Variants in STARD9 observed in about 807,000 individuals in gnomAD.
STARD9 encodes StAR related lipid transfer domain containing 9.
Under a neutral mutation model 399.8 loss-of-function variants are expected in STARD9, and 346 were observed. The ratio of observed to expected loss-of-function variants is 0.87; its 90% CI spans 0.79 to 0.95. The LOEUF (loss-of-function observed/expected upper bound fraction) is 0.95, where lower values mean the gene tolerates loss of function less well. Among genes scored for constraint, STARD9 ranks in the 40% least tolerant of loss-of-function variants. The probability of loss-of-function intolerance (pLI) is 0.00; values close to 1 mark genes in which losing one functional copy is unlikely to be tolerated. For synonymous variants in STARD9, 2,203 were observed against 2,143.5 expected (o/e 1.03, Z -0.77); for missense variants, 5,832 against 5,667.5 (o/e 1.03, Z -0.93).
chr15:42,669,475 C>T, intron 16 of STARD9, 138 bp downstream of exon 16: 1 of 689,168 alleles, frequency 1.5e-6, no homozygotes, highest in Non-Finnish European at 2.3e-6. Context: ...GGTTTGCTCT[C>T]AGGAAACGTC....
chr15:42,710,819 AC>A (rs1427133124), intron 26 of STARD9, among the ~76,000 whole-genome samples: 4 of 152,128 alleles, frequency 2.6e-5, no homozygotes, highest in Admixed American at 2.6e-4. Context: ...CTGATGGGTT[AC>A]CAGCAATCCT....
At chr15:42,646,662 A>G (rs367627988) in intron 7 of STARD9, among the ~76,000 whole-genome samples, 8 of 152,350 alleles carry the variant, frequency 5.3e-5, no homozygotes, top group African/African-American at 1.9e-4. Flanking sequence ...TCTTCATATC[A>G]GCAAGAAGGC....
chr15:42,665,261 C>G lies in STARD9; in HGVS notation c.1185C>G (p.Asn395Lys). ...AGTTCTCTGTGTTTCAGGATGCAAA[C>G]TTAAAACTGATTAGAGAACTCAGAG... ...INKPRVNEDA[N>K]LKLIRELREE... The change falls in exon 14 of 33, where the codon AAC (asparagine) becomes AAG (lysine). Residue 395 changes from asparagine (N) to lysine (K), a missense_variant. Physicochemically the swap from Asn to Lys is moderately conservative, Grantham distance 94 (BLOSUM62 0). Around this residue, in one of 2 missense-constraint regions of STARD9, gnomAD observed 5,828 missense variants for 5,651.1 expected, o/e 1.03. Coordinates refer to ENST00000290607, the MANE Select transcript of STARD9 (RefSeq NM_020759.3). 6.5e-7 allele frequency: 1 copy of G among 1,536,914 alleles called. No homozygotes were observed. Among genetic ancestry groups the G allele is most frequent in the East Asian group, 2.4e-5 (1 of 40,904 alleles).
rs1405688896 is a variant in STARD9, at chr15:42,638,859, G to A, written c.559+47G>A. 1.1e-5 allele frequency: 13 copies of A among 1,160,542 alleles called. No individual in the cohort carries two copies. In the South Asian group the frequency reaches 1.8e-4, roughly 16 times the overall value. The allele number at this position is 1,160,542 out of a possible 1,614,324, so 71.9% of individuals were successfully genotyped here. On this transcript the variant is annotated intron_variant, in intron 7 of 32. Transcript: ENST00000290607. ...GATCTGAAACCAAACTGAAGCCTGG[G>A]AAGCTCTCCTAATGTTCCCTAATTC...
intron 9 of STARD9, among the ~76,000 whole-genome samples, chr15:42,656,390 A>AAAGGGAAC (rs1324860878): frequency 1.3e-5 from 2 of 149,588 alleles, no homozygotes; most frequent in Non-Finnish European, 3.0e-5. Flanking sequence ...GATATGGTGA[A>AAAGGGAAC]AAGGGAACGC....
intron 4 of STARD9, among the ~76,000 whole-genome samples, 154 bp downstream of exon 4, chr15:42,635,126 C>T (rs1484537336): frequency 2.6e-5 from 4 of 151,912 alleles, no homozygotes; most frequent in African/African-American, 4.8e-5. Flanking sequence ...AGTTTTTCGG[C>T]TGGGCGCAGT....
At chr15:42,637,025 T>C (rs899093587) in intron 4 of STARD9, among the ~76,000 whole-genome samples, 1 of 150,756 alleles carries the variant, frequency 6.6e-6, no homozygotes, top group African/African-American at 2.4e-5. Context: ...GATCATGCCA[T>C]TGCACTCCAG....
chr15:42,591,939 G>T (rs893798586), intron 3 of STARD9, among the ~76,000 whole-genome samples: 1 of 152,164 alleles, frequency 6.6e-6, no homozygotes, highest in Non-Finnish European at 1.5e-5. Context: ...GGAAACTGAG[G>T]CATAGAACGT....
At position 42,687,743 on chromosome 15, in the gene STARD9, G is replaced by A; in HGVS notation, c.6165G>A (p.Met2055Ile). 6.5e-7 allele frequency: 1 copy of A among 1,537,580 alleles called. No individual in the cohort carries two copies. The highest frequency in any genetic ancestry group is 1.4e-5 in the African/African-American group (1 of 73,170). Reference protein sequence around the residue: ...DEMARLIRSVMQLENGILEIE... With the variant: ...DEMARLIRSVIQLENGILEIE... ...TGGCTAGGCTAATTAGGAGTGTAATGCAGCTGGAAAATGGCATCTTAGAAA... is the reference window on the plus strand; with the variant it reads ...TGGCTAGGCTAATTAGGAGTGTAATACAGCTGGAAAATGGCATCTTAGAAA... Residue 2055 changes from methionine to isoleucine, a missense_variant, in exon 23 of 33, where the codon ATG becomes ATA. Met to Ile is a conservative substitution (Grantham distance 10). Coordinates refer to ENST00000290607, the MANE Select transcript of STARD9 (RefSeq NM_020759.3).
Position 42,720,942 on chromosome 15 carries a change from C to G in STARD9, c.*1368C>G, listed in dbSNP as rs1315635574. ...TACCTCTTTTCATATAAATCTCTTACTAAGACTACTGACCAAAAAAGAACA... is the reference window on the plus strand; with the variant it reads ...TACCTCTTTTCATATAAATCTCTTAGTAAGACTACTGACCAAAAAAGAACA... On this transcript the variant is annotated 3_prime_UTR_variant, in exon 33 of 33. Transcript: ENST00000290607. 2 of 152,116 alleles carry G rather than the reference C, an allele frequency of 1.3e-5. No homozygotes were observed. The highest frequency in any genetic ancestry group is 2.9e-5 in the Non-Finnish European group (2 of 68,018). The allele number at this position is 152,116 out of a possible 1,614,324, so 9.4% of individuals were successfully genotyped here. A position where few individuals can be genotyped will look rare whatever the true frequency, so the allele number is the denominator to read the frequency against.
intron 15 of STARD9, among the ~76,000 whole-genome samples, 165 bp downstream of exon 15, chr15:42,666,013 G>T (rs943103541): frequency 1.3e-5 from 2 of 152,216 alleles, no homozygotes; most frequent in African/African-American, 4.8e-5. Flanking sequence ...TGTTTGCCTA[G>T]GGGGACTGTT....
intron 3 of STARD9, among the ~76,000 whole-genome samples, chr15:42,624,182 G>T (rs911850285): frequency 2.6e-5 from 4 of 152,144 alleles, no homozygotes; most frequent in African/African-American, 9.7e-5. Flanking sequence ...AGTGGACAGT[G>T]GCTTATGTAA....
At chr15:42,684,047 T>C in intron 22 of STARD9, 69 bp from the exon 23 acceptor site, 1 of 1,454,294 alleles carries the variant, frequency 6.9e-7, no homozygotes, top group Non-Finnish European at 9.1e-7. Flanking sequence ...GCCTTGTTTT[T>C]AACCTCCTTC....
rs1245142149 is a variant in STARD9 at position 42,716,914 on chromosome 15, C to G, written c.13373-13C>G. On this transcript the variant is annotated splice_polypyrimidine_tract_variant and intron_variant, in intron 27 of 32. Coordinates refer to ENST00000290607, the MANE Select transcript of STARD9 (RefSeq NM_020759.3). Reference sequence around the variant, plus strand: ...TTCAGTGCTATCACAGGGCCTCCACCTATTTCTTGTAGGCCACAGAGCCTC... The same window carrying G: ...TTCAGTGCTATCACAGGGCCTCCACGTATTTCTTGTAGGCCACAGAGCCTC... The G allele has an allele frequency of 6.5e-6, 10 of 1,537,034 alleles. No homozygotes were observed. The highest frequency in any genetic ancestry group is 8.7e-7 in the Non-Finnish European group (1 of 1,146,856).
chr15:42,634,954 T>C lies in STARD9; in HGVS notation c.333T>C (p.Tyr111=), dbSNP rs1028925325. 6.5e-7 allele frequency: 1 copy of C among 1,535,890 alleles called. No individual in the cohort carries two copies. Among genetic ancestry groups the C allele is most frequent in the Admixed American group, 2.0e-5 (1 of 50,892 alleles). Reference sequence around the variant, plus strand: ...GACAGACAGGCTCTGGGAAGACATATACCATGCTGGGGACCCCAGTGAGTA... The same window carrying C: ...GACAGACAGGCTCTGGGAAGACATACACCATGCTGGGGACCCCAGTGAGTA... ...AYGQTGSGKT[Y]TMLGTPASVG... is the part of the protein sequence containing the mutation. Residue 111 remains tyrosine (Y), a synonymous_variant, in exon 4 of 33, where the codon TAT becomes TAC. Transcript: ENST00000290607.
chr15:42,585,331 T>G (rs1419316762), intron 2 of STARD9, among the ~76,000 whole-genome samples, 190 bp from the exon 3 acceptor site: 1 of 152,340 alleles, frequency 6.6e-6, no homozygotes, highest in East Asian at 1.9e-4. Context: ...CAGACAAATT[T>G]AGTTATCTGT....
chr15:42,619,341 G>T (rs2059036951), intron 3 of STARD9, among the ~76,000 whole-genome samples: 2 of 152,058 alleles, frequency 1.3e-5, no homozygotes, highest in African/African-American at 4.8e-5. Context: ...ACTTAATGTA[G>T]TATGTAACCT....
At chr15:42,717,132 C>T in intron 28 of STARD9, 84 bp downstream of exon 28, 2 of 1,467,730 alleles carry the variant, frequency 1.4e-6, no homozygotes, top group Non-Finnish European at 1.8e-6. Flanking sequence ...AGGAAAAAAG[C>T]TGGGCAGATG....
chr15:42,681,987 C>T (rs2060440500), intron 21 of STARD9, 117 bp from the exon 22 acceptor site: 1 of 708,566 alleles, frequency 1.4e-6, no homozygotes, highest in African/African-American at 1.8e-5. Flanking sequence ...GCCACATCAC[C>T]TTGGCCAGCT....
Sources: gnomAD v4.1 joint callset for allele counts (sites outside exome capture counted in the v4.1 genomes callset) on GRCh38, gnomAD v4.1.1 for gene constraint, gnomAD v4.1.1 regional missense constraint, MANE v1.5 for transcripts, NCBI Gene and HGNC (gene_info 2026-07-23, HGNC 2026-07-21) for gene names.